The following DNM1L variants were observed in gnomAD, a reference collection of about 807,000 sequenced individuals.
DNM1L encodes the protein dynamin 1L.
DNM1L carries 33 observed loss-of-function variants against 92.8 expected under a neutral mutation model. That is an observed-to-expected ratio of 0.36 (90% confidence interval 0.27 to 0.48). DNM1L has a LOEUF of 0.48. Ranked by LOEUF, DNM1L falls within the 20% of genes least tolerant of loss-of-function variation. The probability of loss-of-function intolerance (pLI) is 0.99; values close to 1 mark genes in which losing one functional copy is unlikely to be tolerated. For synonymous variants in DNM1L, 284 were observed against 305.0 expected (o/e 0.93, Z 0.72); for missense variants, 485 against 888.8 (o/e 0.55, Z 5.78).
intron 2 of DNM1L, among the ~76,000 whole-genome samples, chr12:32,703,515 G>T (rs558762071): frequency 6.8e-6 from 1 of 146,686 alleles, no homozygotes; most frequent in African/African-American, 2.5e-5. Flanking sequence ...GAGAAAATTA[G>T]AAACCATGAA....
chr12:32,717,357 G>A (rs551300689), intron 6 of DNM1L, among the ~76,000 whole-genome samples: 2 of 54,956 alleles, frequency 3.6e-5, no homozygotes, highest in East Asian at 7.8e-4. Flanking sequence ...ATTATATATA[G>A]TATATATAAT....
At chr12:32,708,315 T>C in intron 4 of DNM1L, 91 bp downstream of exon 4, 2 of 846,372 alleles carry the variant, frequency 2.4e-6, no homozygotes, top group South Asian at 1.6e-5. Context: ...CATTGTAAAT[T>C]CCTACTCTTG....
chr12:32,743,729 T>C lies in DNM1L; in HGVS notation c.*319T>C. 1 of 356,050 alleles carries C rather than the reference T, an allele frequency of 2.8e-6. No individual in the cohort carries two copies. Among genetic ancestry groups the C allele is most frequent in the Non-Finnish European group, 5.2e-6 (1 of 191,242 alleles). The allele number at this position is 356,050 out of a possible 1,614,324, so 22.1% of individuals were successfully genotyped here. A position where few individuals can be genotyped will look rare whatever the true frequency, so the allele number is the denominator to read the frequency against. ...CAAAGCAGTTTGCCTGTGGATAAGA[T>C]GACCTGTGTAATAATCTTTGTTAGT... On this transcript the variant is annotated 3_prime_UTR_variant, in exon 20 of 20. Transcript: ENST00000549701.
chr12:32,742,853 G>GC, intron 19 of DNM1L, 105 bp downstream of exon 19: 3 of 1,073,774 alleles, frequency 2.8e-6, no homozygotes, highest in Non-Finnish European at 4.2e-6. Context: ...TTATATTCTA[G>GC]CTAGGCTTGT....
chr12:32,685,360 T>C (rs1434642905), intron 1 of DNM1L, among the ~76,000 whole-genome samples: 1 of 28,958 alleles, frequency 3.5e-5, no homozygotes, highest in Non-Finnish European at 5.5e-5. Flanking sequence ...TGGCTGCACC[T>C]TTTTTTTTTT....
intron 1 of DNM1L, among the ~76,000 whole-genome samples, chr12:32,686,108 T>A (rs373398966): frequency 7.2e-6 from 1 of 139,118 alleles, no homozygotes; most frequent in Non-Finnish European, 1.5e-5. Flanking sequence ...TGGAGTGCAA[T>A]GGCGCGATCT....
intron 2 of DNM1L, among the ~76,000 whole-genome samples, chr12:32,704,028 A>G (rs1431369474): frequency 6.6e-6 from 1 of 151,938 alleles, no homozygotes; most frequent in East Asian, 1.9e-4. Flanking sequence ...TTTGAACAGA[A>G]CTCCACGGTT....
intron 9 of DNM1L, among the ~76,000 whole-genome samples, chr12:32,723,197 T>G (rs1219835706): frequency 6.6e-6 from 1 of 151,812 alleles, no homozygotes; most frequent in African/African-American, 2.4e-5. Flanking sequence ...ATACTTCAGA[T>G]TTCTAGAATG....
At chr12:32,706,905 T>A (rs1000609470) in intron 2 of DNM1L, 12 of 285,424 alleles carry the variant, frequency 4.2e-5, no homozygotes, top group African/African-American at 2.7e-4. Context: ...GTCATATGTG[T>A]ACATCTGTTA....
At chr12:32,703,589 G>A (rs1443609628) in intron 2 of DNM1L, among the ~76,000 whole-genome samples, 1 of 134,470 alleles carries the variant, frequency 7.4e-6, no homozygotes, top group Non-Finnish European at 1.6e-5. Context: ...AATAAGAGAG[G>A]AGAAAGGGAA....
In DNM1L at chr12:32,743,666, A is replaced by AACTT. The variant is rs1241389871; in HGVS notation, c.*258_*261dup. On this transcript the variant is annotated 3_prime_UTR_variant, in exon 20 of 20. Coordinates refer to ENST00000549701, the MANE Select transcript of DNM1L (RefSeq NM_012062.5). ...GTCTGTCTTGTGACAGTTTCATCTGAACTTAACTTAAAAACAACTGTTAAT... is the reference window on the plus strand; with the variant it reads ...GTCTGTCTTGTGACAGTTTCATCTGAACTTACTTAACTTAAAAACAACTGTTAAT... 1 of 483,250 alleles carries AACTT rather than the reference A, an allele frequency of 2.1e-6. No homozygotes were observed. Among genetic ancestry groups the AACTT allele is most frequent in the Non-Finnish European group, 3.7e-6 (1 of 270,434 alleles). 29.9% of individuals were successfully genotyped at this position (483,250 alleles called of 1,614,324 possible).
At chr12:32,689,684 A>T (rs1372768639) in intron 1 of DNM1L, among the ~76,000 whole-genome samples, 1 of 152,264 alleles carries the variant, frequency 6.6e-6, no homozygotes, top group Non-Finnish European at 1.5e-5. Context: ...GGTCTGCCTT[A>T]CACAATGAAA....
chr12:32,693,596 T>A (rs1357919291), intron 1 of DNM1L, among the ~76,000 whole-genome samples: 2 of 151,590 alleles, frequency 1.3e-5, no homozygotes, highest in Non-Finnish European at 2.9e-5. Flanking sequence ...GTGTTTTTTT[T>A]AGCATATTTA....
Position 32,707,403 on chromosome 12 carries a change from C to G in DNM1L, c.287C>G (p.Thr96Ser), listed in dbSNP as rs1952967664. The part of the protein sequence containing the change: ...EAEEWGKFLH[T>S]KNKLYTDFDE... ...GAAGAATGGGGTAAATTTCTTCACA[C>G]CAAAAATAAGGTAATCACACATGCA... The change falls in exon 3 of 20, where the codon ACC (threonine) becomes AGC (serine). Residue 96 changes from threonine to serine, a missense_variant. By Grantham distance (58) the Thr-to-Ser change is moderately conservative. Transcript: ENST00000549701. 6.2e-7 allele frequency: 1 copy of G among 1,600,660 alleles called. No homozygotes were observed.
intron 4 of DNM1L, among the ~76,000 whole-genome samples, chr12:32,710,569 T>C (rs541711287): frequency 2.7e-5 from 4 of 149,762 alleles, no homozygotes; most frequent in South Asian, 4.2e-4. Flanking sequence ...CAGTGAGCCA[T>C]GATTGCACCA....
intron 2 of DNM1L, among the ~76,000 whole-genome samples, chr12:32,701,885 G>A (rs568899977): frequency 7.3e-5 from 11 of 151,476 alleles, no homozygotes; most frequent in African/African-American, 2.7e-4. Context: ...CCCCCACCAT[G>A]CCCAGCTAAT....
chr12:32,690,168 A>G (rs1036664073), intron 1 of DNM1L, among the ~76,000 whole-genome samples: 1 of 152,242 alleles, frequency 6.6e-6, no homozygotes, highest in Non-Finnish European at 1.5e-5. Flanking sequence ...TGAAGAAGCC[A>G]GTACCATTTA....
At chr12:32,695,866 A>G (rs1952424746) in intron 1 of DNM1L, among the ~76,000 whole-genome samples, 1 of 152,234 alleles carries the variant, frequency 6.6e-6, no homozygotes, top group African/African-American at 2.4e-5. Context: ...TAAACGTAAC[A>G]GATAATACCT....
chr12:32,728,269 G>C (rs1954284865), intron 9 of DNM1L: 1 of 152,008 alleles, frequency 6.6e-6, no homozygotes, highest in African/African-American at 2.4e-5. Context: ...TGCCCAAGAT[G>C]GTCTTCATAT....
Sources: gnomAD v4.1 joint callset for allele counts (sites outside exome capture counted in the v4.1 genomes callset) on GRCh38, gnomAD v4.1.1 for gene constraint, MANE v1.5 for transcripts, NCBI Gene and HGNC (gene_info 2026-07-23, HGNC 2026-07-21) for gene names.